The following DLGAP2 variants were observed in gnomAD, a reference collection of about 807,000 sequenced individuals.
DLGAP2 encodes the protein DLG associated protein 2.
Under a neutral mutation model 100.3 loss-of-function variants are expected in DLGAP2, and 26 were observed. That is an observed-to-expected ratio of 0.26 (90% CI 0.19 to 0.36). The LOEUF (loss-of-function observed/expected upper bound fraction) is 0.36. Ranked by LOEUF, DLGAP2 falls within the 10% of genes least tolerant of loss-of-function variation. The probability of loss-of-function intolerance (pLI) is 1.00; values close to 1 mark genes in which losing one functional copy is unlikely to be tolerated. For synonymous variants in DLGAP2, 886 were observed against 630.1 expected, an observed-to-expected ratio of 1.41 and a Z score of -6.08; for missense variants, 1,858 against 1,453.2, an observed-to-expected ratio of 1.28 and a Z score of -4.53.
intron 2 of DLGAP2, among the ~76,000 whole-genome samples, chr8:1,158,064 G>C (rs2336702): frequency 0.88 from 133,282 of 152,296 alleles, 58,383 homozygotes; most frequent in African/African-American, 0.89. Flanking sequence ...CTGTGCAGCT[G>C]CACAGCTGCC....
rs192655321 is a variant in DLGAP2 at position 1,188,456 on chromosome 8, G to A, written c.74-70395G>A. 5.3e-3 allele frequency among the ~76,000 whole-genome samples: 658 copies of A among 123,704 alleles called. 65 individuals are homozygous for A. Among genetic ancestry groups the A allele is most frequent in the African/African-American group, 0.026 (606 of 23,026 alleles). The allele number at this position is 123,704 out of a possible 152,430, so 81.2% of individuals were successfully genotyped here. On this transcript the variant is annotated intron_variant, in intron 2 of 14. Transcript: ENST00000637795. ...GGGACCTCCGTGACGTTTCCCTCAC[G>A]GAATCTCGCACGCCCGGGACTTCCG...
chr8:1,613,585 A>T (rs1486921344), intron 6 of DLGAP2, among the ~76,000 whole-genome samples: 1 of 152,190 alleles, frequency 6.6e-6, no homozygotes, highest in Non-Finnish European at 1.5e-5. Flanking sequence ...CTTCAACTGA[A>T]ATTTATGCAC....
At chr8:1,493,240 A>T (rs942123702) in intron 3 of DLGAP2, among the ~76,000 whole-genome samples, 1 of 152,114 alleles carries the variant, frequency 6.6e-6, no homozygotes, top group African/African-American at 2.4e-5. Flanking sequence ...GATGGAGCGC[A>T]TAGAGGGCTG....
intron 2 of DLGAP2, among the ~76,000 whole-genome samples, chr8:970,626 G>A (rs1010123540): frequency 6.6e-6 from 1 of 152,140 alleles, no homozygotes; most frequent in African/African-American, 2.4e-5. Flanking sequence ...ACAAACCAAG[G>A]CTTTTTTCTT....
intron 1 of DLGAP2, among the ~76,000 whole-genome samples, chr8:905,831 T>C (rs992936460): frequency 8.3e-6 from 1 of 120,114 alleles, no homozygotes; most frequent in Non-Finnish European, 1.6e-5. Context: ...CGTGTCCTAC[T>C]GACCTCACAT....
chr8:1,174,368 A>G (rs1322567546), intron 2 of DLGAP2, among the ~76,000 whole-genome samples: 3 of 151,894 alleles, frequency 2.0e-5, no homozygotes, highest in Non-Finnish European at 4.4e-5. Context: ...CACCAAAATC[A>G]TTATCATTAC....
chr8:1,103,269 T>C (rs1332313565), intron 2 of DLGAP2, among the ~76,000 whole-genome samples: 1 of 152,188 alleles, frequency 6.6e-6, no homozygotes, highest in African/African-American at 2.4e-5. Context: ...GTTGGATTCA[T>C]GTGGACCCAC....
intron 5 of DLGAP2, among the ~76,000 whole-genome samples, chr8:1,560,817 T>C (rs1488208885): frequency 6.6e-6 from 1 of 152,262 alleles, no homozygotes; most frequent in African/African-American, 2.4e-5. Flanking sequence ...ACACCTGTTT[T>C]CTTAACTGCT....
At chr8:1,148,610 T>C (rs1796646436) in intron 2 of DLGAP2, among the ~76,000 whole-genome samples, 1 of 152,138 alleles carries the variant, frequency 6.6e-6, no homozygotes. Flanking sequence ...GTATTAACAT[T>C]TAATAATTGA....
intron 2 of DLGAP2, among the ~76,000 whole-genome samples, chr8:1,155,301 A>G (rs1348140245): frequency 2.0e-5 from 3 of 152,084 alleles, no homozygotes; most frequent in African/African-American, 4.8e-5. Flanking sequence ...GTGGTTTCCA[A>G]CACGCTTTCT....
At chr8:1,551,340 G>A (rs1035877657) in intron 5 of DLGAP2, among the ~76,000 whole-genome samples, 1 of 152,112 alleles carries the variant, frequency 6.6e-6, no homozygotes, top group Non-Finnish European at 1.5e-5. Flanking sequence ...TCTTGTTTTT[G>A]TCTGTGCCTG....
chr8:1,336,257 C>T (rs1332965831), intron 3 of DLGAP2, among the ~76,000 whole-genome samples: 1 of 152,312 alleles, frequency 6.6e-6, no homozygotes, highest in East Asian at 1.9e-4. Context: ...TGATTCAATG[C>T]TAGCATGGAA....
At chr8:1,335,770 G>A (rs938308195) in intron 3 of DLGAP2, among the ~76,000 whole-genome samples, 2 of 152,250 alleles carry the variant, frequency 1.3e-5, no homozygotes, top group Admixed American at 6.5e-5. Flanking sequence ...GTTTATTTAT[G>A]TCCTTCCTTG....
intron 3 of DLGAP2, among the ~76,000 whole-genome samples, chr8:1,261,170 C>G (rs868775369): frequency 6.1e-4 from 65 of 106,644 alleles, no homozygotes; most frequent in East Asian, 8.5e-4. Flanking sequence ...TCTTTAAAAC[C>G]AGACAGACTG....
chr8:1,186,147 G>T (rs529656204), intron 2 of DLGAP2, among the ~76,000 whole-genome samples: 1 of 152,222 alleles, frequency 6.6e-6, no homozygotes, highest in Non-Finnish European at 1.5e-5. Context: ...CCTTGTCTGC[G>T]GGCAGAAGGT....
At chr8:826,002 A>G (rs561813077) in intron 1 of DLGAP2, among the ~76,000 whole-genome samples, 2 of 149,150 alleles carry the variant, frequency 1.3e-5, no homozygotes, top group East Asian at 4.1e-4. Context: ...TACCCTGGGA[A>G]CCGTACTTCT....
intron 1 of DLGAP2, among the ~76,000 whole-genome samples, chr8:905,976 C>T (rs1584879647): frequency 6.6e-6 from 1 of 152,228 alleles, no homozygotes; most frequent in East Asian, 1.9e-4. Context: ...AGACTTTATT[C>T]CCGCTTCTTC....
intron 3 of DLGAP2, among the ~76,000 whole-genome samples, chr8:1,389,031 G>A (rs543775536): frequency 6.2e-4 from 88 of 141,788 alleles, no homozygotes; most frequent in African/African-American, 2.4e-3. Context: ...ATGAGGAGGC[G>A]CTGGTTCAGG....
rs568574304 is a variant in DLGAP2, at chr8:909,227, T to G, written c.73+1261T>G. On this transcript the variant is annotated intron_variant, in intron 2 of 14. Transcript: ENST00000637795. ...TATTTTTGGGCCTCTTTTTATTTTC[T>G]GGAAGTCTTGGTTATGAGTAAAAAT... Among the ~76,000 whole-genome samples the G allele has an allele frequency of 1.5e-4, 23 of 152,328 alleles. No individual in the cohort carries two copies. In the South Asian group the frequency reaches 1.7e-3, roughly 11 times the overall value.
Sources: gnomAD v4.1 joint callset for allele counts (sites outside exome capture counted in the v4.1 genomes callset) on GRCh38, gnomAD v4.1.1 for gene constraint, MANE v1.5 for transcripts, NCBI Gene and HGNC (gene_info 2026-07-23, HGNC 2026-07-21) for gene names.